NEIL1: variants seen among roughly 807,000 people sequenced by gnomAD.
The protein encoded by NEIL1 is nei like DNA glycosylase 1, also known as endonuclease 8-like 1.
NEIL1 carries 31 observed loss-of-function variants against 44.2 expected under a neutral mutation model. The observed-to-expected ratio is 0.70, with a 90% CI of 0.53 to 0.95. The LOEUF (loss-of-function observed/expected upper bound fraction) is 0.95, where lower values mean the gene tolerates loss of function less well. Ranked by LOEUF, NEIL1 falls within the 40% of genes least tolerant of loss-of-function variation. The pLI is 0.00. For synonymous variants in NEIL1, 254 were observed against 209.7 expected, an observed-to-expected ratio of 1.21 and a Z score of -1.83; for missense variants, 549 against 515.5, an observed-to-expected ratio of 1.07 and a Z score of -0.63.
Position 75,356,856 on chromosome 15 carries a change from A to G in NEIL1, c.*1822A>G. On this transcript the variant is annotated 3_prime_UTR_variant, in exon 10 of 10. Coordinates refer to ENST00000355059, the MANE Select transcript of NEIL1 (RefSeq NM_024608.4). This position sits in a 1 kb window ranked among gnomAD's most constrained non-coding sequence, Gnocchi z 5.8. ...ATACTTGCAGTCGTTGAGCAGGGCC[A>G]GCCCAAAGCCGTGTTCTGACAGATC... 1 of 1,614,152 alleles carries G rather than the reference A, an allele frequency of 6.2e-7. No individual in the cohort carries two copies. Among genetic ancestry groups the G allele is most frequent in the Non-Finnish European group, 8.5e-7 (1 of 1,180,038 alleles).
rs769880000 is a variant in NEIL1 at position 75,352,152 on chromosome 15, G to A, written c.476G>A (p.Arg159Gln). The change falls in exon 3 of 10, where the codon CGG (arginine) becomes CAG (glutamine). Residue 159 changes from arginine (R) to glutamine (Q), a missense_variant. Physicochemically the swap from Arg to Gln is conservative, Grantham distance 43 (BLOSUM62 1). Transcript: ENST00000355059. ...AACCTAGCGGATAAGGCCTTTGACC[G>A]GCCCATCTGCGAGGCCCTCCTGGAC... Reference protein sequence around the residue: ...LRNLADKAFDRPICEALLDQR... With the variant: ...LRNLADKAFDQPICEALLDQR... The A allele has an allele frequency of 2.2e-5, 36 of 1,614,124 alleles. No homozygotes were observed. Among genetic ancestry groups the A allele is most frequent in the Middle Eastern group, 1.6e-4 (1 of 6,062 alleles).
Position 75,354,808 on chromosome 15 carries a change from G to T in NEIL1, c.1092G>T (p.Gln364His). The change falls in exon 9 of 10, where the codon CAG becomes CAT. Residue 364 changes from glutamine (Q) to histidine (H), a missense_variant. Coordinates refer to ENST00000355059, the MANE Select transcript of NEIL1 (RefSeq NM_024608.4). ...AGAAGGGGAGGAGGAAGGGGCGACA[G>T]GCAGCCTCTGGTGGGCTTTCCTCAT... ...VPKKGRRKGR[Q>H]AASGHCRPRK... 6.2e-7 allele frequency: 1 copy of T among 1,614,040 alleles called. No homozygotes were observed. The highest frequency in any genetic ancestry group is 8.5e-7 in the Non-Finnish European group (1 of 1,180,036).
Position 75,355,779 on chromosome 15 carries a change from C to A in NEIL1, c.*745C>A. 1 of 1,127,692 alleles carries A rather than the reference C, an allele frequency of 8.9e-7. No individual in the cohort carries two copies. Among genetic ancestry groups the A allele is most frequent in the Non-Finnish European group, 1.2e-6 (1 of 801,274 alleles). 69.9% of individuals were successfully genotyped at this position (1,127,692 alleles called of 1,614,324 possible). ...AGCGTGAGGATGGGCCCTAAGGGGACTGAGCAGCAGGGTTCCCGATCCAAG... is the reference window on the plus strand; with the variant it reads ...AGCGTGAGGATGGGCCCTAAGGGGAATGAGCAGCAGGGTTCCCGATCCAAG... On this transcript the variant is annotated 3_prime_UTR_variant, in exon 10 of 10. Coordinates refer to ENST00000355059, the MANE Select transcript of NEIL1 (RefSeq NM_024608.4).
intron 5 of NEIL1, chr15:75,353,534 A>C (rs1001424088): frequency 1.6e-5 from 11 of 709,480 alleles, no homozygotes; most frequent in Non-Finnish European, 8.1e-6. Context: ...CAGGACAAGG[A>C]TTCTTAATCC....
intron 2 of NEIL1, among the ~76,000 whole-genome samples, chr15:75,350,930 A>C (rs2071834617): frequency 6.6e-6 from 1 of 151,590 alleles, no homozygotes; most frequent in Non-Finnish European, 1.5e-5. Context: ...CACTCATCAC[A>C]CCCATTAGTC....
chr15:75,349,994 T>C (rs1469208865), intron 2 of NEIL1, among the ~76,000 whole-genome samples: 2 of 152,092 alleles, frequency 1.3e-5, no homozygotes, highest in Admixed American at 1.3e-4. Context: ...GGCTTTAATA[T>C]GGTAAGTGAG....
Position 75,355,487 on chromosome 15 carries a change from G to C in NEIL1, c.*453G>C, listed in dbSNP as rs1351242987. 1 of 249,234 alleles carries C rather than the reference G, an allele frequency of 4.0e-6. No homozygotes were observed. Among genetic ancestry groups the C allele is most frequent in the Non-Finnish European group, 7.8e-6 (1 of 128,750 alleles). The allele number at this position is 249,234 out of a possible 1,614,324, so 15.4% of individuals were successfully genotyped here. A position where few individuals can be genotyped will look rare whatever the true frequency, so the allele number is the denominator to read the frequency against. On this transcript the variant is annotated 3_prime_UTR_variant, in exon 10 of 10. Coordinates refer to ENST00000355059, the MANE Select transcript of NEIL1 (RefSeq NM_024608.4). ...TCCAGTCCAGATTCTCCAGGGTCCA[G>C]GGCTGCCCCCTCATCCTGGCAGGAG...
chr15:75,353,766 GGGA>G lies in NEIL1; in HGVS notation c.753_755del (p.Glu251del), dbSNP rs770433190. ...GGCAAAGGCTACGGGTCAGAGAGCG[GGGA>G]GGAGGACTTTGCTGCCTTTCGAGCC... is the stretch of plus-strand genomic sequence containing the variant. On this transcript the variant is annotated inframe_deletion, in exon 6 of 10. Coordinates refer to ENST00000355059, the MANE Select transcript of NEIL1 (RefSeq NM_024608.4). 3.7e-6 allele frequency: 6 copies of G among 1,614,178 alleles called. No homozygotes were observed. Among genetic ancestry groups the G allele is most frequent in the Admixed American group, 3.3e-5 (2 of 60,018 alleles).
rs1282884183 is a variant in NEIL1 at position 75,352,676 on chromosome 15, A to G, written c.693A>G (p.Ser231=). 7 of 1,612,696 alleles carry G rather than the reference A, an allele frequency of 4.3e-6. No homozygotes were observed. Among genetic ancestry groups the G allele is most frequent in the Non-Finnish European group, 5.9e-6 (7 of 1,179,322 alleles). Residue 231 remains serine, a synonymous_variant, in exon 5 of 10, where the codon TCA becomes TCG. Coordinates refer to ENST00000355059, the MANE Select transcript of NEIL1 (RefSeq NM_024608.4). ...QNPDLLELCH[S]VPKEVVQLGG... ...CAGACCTGCTGGAGCTATGTCACTCAGTGCCCAAGGAAGTGGTCCAGTTGG... is the reference window on the plus strand; with the variant it reads ...CAGACCTGCTGGAGCTATGTCACTCGGTGCCCAAGGAAGTGGTCCAGTTGG...
chr15:75,355,169 T>A lies in NEIL1; in HGVS notation c.*135T>A, dbSNP rs951993954. On this transcript the variant is annotated 3_prime_UTR_variant, in exon 10 of 10. Coordinates refer to ENST00000355059, the MANE Select transcript of NEIL1 (RefSeq NM_024608.4). ...GCTGTTCCCTGCACAACTCTCATGGTTTTAATTGTACCCCATCTTCCACAT... is the reference window on the plus strand; with the variant it reads ...GCTGTTCCCTGCACAACTCTCATGGATTTAATTGTACCCCATCTTCCACAT... 2 of 674,024 alleles carry A rather than the reference T, an allele frequency of 3.0e-6. No individual in the cohort carries two copies. The highest frequency in any genetic ancestry group is 5.1e-6 in the Non-Finnish European group (2 of 393,946). 41.8% of individuals were successfully genotyped at this position (674,024 alleles called of 1,614,324 possible).
intron 5 of NEIL1, chr15:75,353,224 T>TACACATACACACAC (rs1555432604): frequency 6.2e-6 from 1 of 162,084 alleles, no homozygotes; most frequent in African/African-American, 2.5e-5. Flanking sequence ...TATATATTTA[T>TACACATACACACAC]ACACACACAC....
At chr15:75,348,798 C>G (rs759658301) in intron 1 of NEIL1, 86 bp from the exon 2 acceptor site, 9 of 1,522,138 alleles carry the variant, frequency 5.9e-6, no homozygotes, top group Non-Finnish European at 7.9e-6. Context: ...ATCTGACCCT[C>G]CGAGTTCTCC....
At chr15:75,348,140 G>C in intron 1 of NEIL1, 1 of 746,340 alleles carries the variant, frequency 1.3e-6, no homozygotes. Flanking sequence ...CCGTCCTCCT[G>C]CGGAGCCATG....
chr15:75,353,705 C>A, intron 5 of NEIL1, 34 bp from the exon 6 acceptor site: 3 of 1,613,326 alleles, frequency 1.9e-6, no homozygotes. Context: ...CCTGAGCCTG[C>A]CCTCTGATCT....
intron 8 of NEIL1, 62 bp from the exon 9 acceptor site, chr15:75,354,591 G>C: frequency 1.2e-6 from 2 of 1,612,962 alleles, no homozygotes; most frequent in Non-Finnish European, 1.7e-6. Flanking sequence ...GGAGTGGTGG[G>C]CCCTAACCAA....
intron 1 of NEIL1, chr15:75,348,211 CG>C: frequency 9.2e-6 from 7 of 756,824 alleles, no homozygotes; most frequent in Middle Eastern, 6.8e-4. Flanking sequence ...TGCCCTGACC[CG>C]GGGGCGGCCG....
chr15:75,351,165 C>T (rs2071855197), intron 2 of NEIL1: 6 of 435,104 alleles, frequency 1.4e-5, no homozygotes, highest in Admixed American at 1.1e-4. Context: ...AAATGCTATA[C>T]AGGGAGCTCC....
Position 75,348,877 on chromosome 15 carries a change from C to G in NEIL1, c.-22-7C>G, listed in dbSNP as rs775351063. The G allele has an allele frequency of 1.2e-6, 2 of 1,602,334 alleles. No individual in the cohort carries two copies. Among genetic ancestry groups the G allele is most frequent in the South Asian group, 1.1e-5 (1 of 90,876 alleles). On this transcript the variant is annotated splice_polypyrimidine_tract_variant and splice_region_variant and intron_variant, in intron 1 of 9. Transcript: ENST00000355059. The stretch of plus-strand genomic sequence containing the variant: ...CGGGCTCAACCCGCTGCCTTCCTCC[C>G]CAACAGGACTCTGCCACCCTCCCTC...
At chr15:75,348,394 G>GTATCATTAA in intron 1 of NEIL1, 1 of 985,872 alleles carries the variant, frequency 1.0e-6, no homozygotes, top group South Asian at 4.7e-5. Flanking sequence ...AGGGAGGGGC[G>GTATCATTAA]GCCACGCGAT....
Sources: gnomAD v4.1 joint callset for allele counts (sites outside exome capture counted in the v4.1 genomes callset) on GRCh38, gnomAD v4.1.1 for gene constraint, Gnocchi (gnomAD v3.1) non-coding constraint, MANE v1.5 for transcripts, NCBI Gene and HGNC (gene_info 2026-07-23, HGNC 2026-07-21) for gene names.